Variants in NNMT observed in about 807,000 individuals in gnomAD.
NNMT encodes nicotinamide N-methyltransferase.
NNMT carries 10 observed loss-of-function variants against 11.7 expected under a neutral mutation model. The observed-to-expected ratio is 0.85, with a 90% confidence interval of 0.53 to 1.45. NNMT has a LOEUF of 1.45. Among genes scored for constraint, NNMT ranks in the 40% most tolerant of loss-of-function variants. The probability of loss-of-function intolerance (pLI) is 0.00; values close to 1 mark genes in which losing one functional copy is unlikely to be tolerated. For missense variants in NNMT, 381 were observed against 319.4 expected (o/e 1.19, Z -1.47); for synonymous variants, 143 against 133.8 (o/e 1.07, Z -0.48).
Position 114,313,277 on chromosome 11 carries a change from G to A in NNMT, c.*800G>A, listed in dbSNP as rs922965168. The A allele has an allele frequency of 5.3e-5, 8 of 152,258 alleles. No homozygotes were observed. Among genetic ancestry groups the A allele is most frequent in the South Asian group, 2.1e-4 (1 of 4,820 alleles). 9.4% of individuals were successfully genotyped at this position (152,258 alleles called of 1,614,324 possible). On this transcript the variant is annotated 3_prime_UTR_variant, in exon 3 of 3. Coordinates refer to ENST00000299964, the MANE Select transcript of NNMT (RefSeq NM_006169.3). ...ACAGATTGCTTGAGCTCAGAAGTTCGAGACTGGCCTGGGGAACATGCAAAA... is the reference window on the plus strand; with the variant it reads ...ACAGATTGCTTGAGCTCAGAAGTTCAAGACTGGCCTGGGGAACATGCAAAA...
intron 2 of NNMT, among the ~76,000 whole-genome samples, chr11:114,264,752 T>G (rs1041920576): frequency 6.6e-6 from 1 of 152,258 alleles, no homozygotes; most frequent in Non-Finnish European, 1.5e-5. Context: ...TTGGGTTTGA[T>G]TAATTTGCTA....
chr11:114,274,260 T>C (rs1420931348), intron 2 of NNMT, among the ~76,000 whole-genome samples: 1 of 152,238 alleles, frequency 6.6e-6, no homozygotes, highest in African/African-American at 2.4e-5. Context: ...ATACTGACGA[T>C]TTAGAAATAT....
chr11:114,262,315 G>GC (rs1193685397), intron 1 of NNMT, among the ~76,000 whole-genome samples: 6 of 152,090 alleles, frequency 3.9e-5, no homozygotes, highest in African/African-American at 1.4e-4. Context: ...TAGTTACTAA[G>GC]CCCAGCATTC....
At chr11:114,269,663 C>A (rs1436013158) in intron 2 of NNMT, among the ~76,000 whole-genome samples, 1 of 152,132 alleles carries the variant, frequency 6.6e-6, no homozygotes, top group Non-Finnish European at 1.5e-5. Flanking sequence ...TCTTTCTTCC[C>A]TTTCACAGCC....
intron 2 of NNMT, among the ~76,000 whole-genome samples, chr11:114,288,478 G>A (rs1945314014): frequency 6.6e-6 from 1 of 151,450 alleles, no homozygotes; most frequent in Non-Finnish European, 1.5e-5. Context: ...TGGATCAGAA[G>A]ATATTTTTCC....
intron 2 of NNMT, among the ~76,000 whole-genome samples, chr11:114,278,189 C>A (rs752669302): frequency 1.3e-5 from 2 of 152,018 alleles, no homozygotes; most frequent in East Asian, 1.9e-4. Context: ...ACAATCATGG[C>A]GGAAGGCAAG....
intron 2 of NNMT, among the ~76,000 whole-genome samples, chr11:114,289,111 G>C (rs1031526656): frequency 6.6e-6 from 1 of 152,112 alleles, no homozygotes; most frequent in Non-Finnish European, 1.5e-5. Context: ...AGGCAATTCA[G>C]ATTTTATATG....
intron 2 of NNMT, among the ~76,000 whole-genome samples, chr11:114,286,694 G>A (rs539865412): frequency 5.8e-4 from 88 of 152,060 alleles, no homozygotes; most frequent in Middle Eastern, 6.3e-3. Context: ...ACCATTGTTG[G>A]ACTTTTAGGT....
chr11:114,272,123 C>T (rs982738312), intron 2 of NNMT, among the ~76,000 whole-genome samples: 3 of 152,002 alleles, frequency 2.0e-5, no homozygotes, highest in Admixed American at 6.6e-5. Context: ...CAAGAAAGGC[C>T]CGGGGGATCA....
chr11:114,288,847 A>C (rs1165416484), intron 2 of NNMT, among the ~76,000 whole-genome samples: 2 of 152,228 alleles, frequency 1.3e-5, no homozygotes, highest in Admixed American at 1.3e-4. Context: ...TAACTTGTTT[A>C]GGATTTTTAT....
intron 2 of NNMT, among the ~76,000 whole-genome samples, chr11:114,274,571 TG>T (rs1485387219): frequency 2.6e-5 from 4 of 152,200 alleles, no homozygotes; most frequent in African/African-American, 7.2e-5. Flanking sequence ...GAATTTTCTG[TG>T]GGGCTCATGT....
chr11:114,305,067 C>T (rs1945476736), intron 2 of NNMT, among the ~76,000 whole-genome samples: 1 of 152,178 alleles, frequency 6.6e-6, no homozygotes, highest in African/African-American at 2.4e-5. Flanking sequence ...TTTGACAACA[C>T]GTGGGAGCTT....
intron 2 of NNMT, among the ~76,000 whole-genome samples, chr11:114,265,075 A>C (rs758301064): frequency 3.4e-4 from 51 of 152,152 alleles, no homozygotes; most frequent in Non-Finnish European, 6.6e-4. Context: ...GTAGGGTTGA[A>C]AGTCCCAACC....
chr11:114,298,590 A>G (rs1945407572), intron 2 of NNMT, among the ~76,000 whole-genome samples: 1 of 152,208 alleles, frequency 6.6e-6, no homozygotes. Flanking sequence ...ATCCAAGCCT[A>G]TAGAACTTGG....
chr11:114,298,834 C>T (rs183967145), intron 2 of NNMT, among the ~76,000 whole-genome samples: 216 of 152,238 alleles, frequency 1.4e-3, no homozygotes, highest in African/African-American at 4.8e-3. Flanking sequence ...TCTTCCAACA[C>T]GAGAAATTGG....
At chr11:114,262,731 A>G (rs372203679) in intron 1 of NNMT, 1 of 152,218 alleles carries the variant, frequency 6.6e-6, no homozygotes, top group Non-Finnish European at 1.5e-5. Flanking sequence ...CTAGGACTCT[A>G]CTATAGAGCC....
At position 114,287,951 on chromosome 11, in the gene NNMT, A is replaced by G. The variant is rs531381706; in HGVS notation, c.-129-8477A>G. On this transcript the variant is annotated intron_variant, in intron 2 of 4. Transcript: ENST00000535401. Reference sequence around the variant, plus strand: ...TATTTTCTCCATTAATGTCTTATACATAGTTTGCTGGATTTATTCTTAGGT... The same window carrying G: ...TATTTTCTCCATTAATGTCTTATACGTAGTTTGCTGGATTTATTCTTAGGT... Among the ~76,000 whole-genome samples, 71 of 152,256 alleles carry G rather than the reference A, an allele frequency of 4.7e-4. No homozygotes were observed. In the South Asian group the frequency reaches 0.014, roughly 30 times the overall value.
At chr11:114,281,955 G>A (rs1272758556) in intron 2 of NNMT, among the ~76,000 whole-genome samples, 1 of 152,184 alleles carries the variant, frequency 6.6e-6, no homozygotes, top group Non-Finnish European at 1.5e-5. Context: ...ACAAAGGAAG[G>A]TAAAGTGACT....
Position 114,285,484 on chromosome 11 carries a change from A to G in NNMT, c.-129-10944A>G, listed in dbSNP as rs1029331660. ...CTCTACCTCCCTGCAATTAAGGCTC[A>G]TATTAATCAGCTCTGGACTCACCAT... On this transcript the variant is annotated intron_variant, in intron 2 of 4. Coordinates refer to the NNMT transcript ENST00000535401. 2.0e-5 allele frequency among the ~76,000 whole-genome samples: 3 copies of G among 152,344 alleles called. No homozygotes were observed. The South Asian group carries it at 6.2e-4, about 32-fold the overall frequency.
Sources: allele counts gnomAD v4.1 joint callset (sites outside exome capture counted in the v4.1 genomes callset), GRCh38; gene constraint gnomAD v4.1.1; transcripts MANE v1.5; gene names NCBI Gene and HGNC (gene_info 2026-07-23, HGNC 2026-07-21).